The following GRID2 variants were observed in gnomAD, a reference collection of about 807,000 sequenced individuals.
GRID2 encodes the protein glutamate receptor ionotropic, delta-2.
In GRID2, 33 loss-of-function variants were observed where a neutral mutation model predicts 114.8. The observed-to-expected ratio is 0.29, with a 90% CI of 0.22 to 0.38. GRID2 has a LOEUF of 0.38. Ranked by LOEUF, GRID2 falls within the 10% of genes least tolerant of loss-of-function variation. The pLI is 1.00. For synonymous variants in GRID2, 505 were observed against 449.9 expected (o/e 1.12, Z -1.55); for missense variants, 1,184 against 1,257.7 (o/e 0.94, Z 0.89).
chr4:92,431,980 A>T (rs1284285446), intron 1 of GRID2, among the ~76,000 whole-genome samples: 1 of 152,112 alleles, frequency 6.6e-6, no homozygotes, highest in East Asian at 1.9e-4. Flanking sequence ...TAATGCTGTG[A>T]CTCTTGCACA....
intron 2 of GRID2, among the ~76,000 whole-genome samples, chr4:92,642,759 A>G (rs1416330531): frequency 1.3e-5 from 2 of 151,704 alleles, no homozygotes; most frequent in Non-Finnish European, 2.9e-5. Flanking sequence ...GAAATTTCCT[A>G]GGTTTTCTTC....
intron 12 of GRID2, among the ~76,000 whole-genome samples, chr4:93,508,359 G>A (rs1298783414): frequency 6.6e-6 from 1 of 151,800 alleles, no homozygotes; most frequent in Non-Finnish European, 1.5e-5. Context: ...ACCATGCTCA[G>A]CTAAGTTTTT....
At chr4:92,474,416 C>A (rs566518592) in intron 1 of GRID2, among the ~76,000 whole-genome samples, 1 of 152,108 alleles carries the variant, frequency 6.6e-6, no homozygotes, top group African/African-American at 2.4e-5. Context: ...ATGCATTTAC[C>A]CACTGATGAA....
intron 2 of GRID2, among the ~76,000 whole-genome samples, chr4:92,903,644 G>T (rs1314809606): frequency 6.6e-6 from 1 of 151,724 alleles, no homozygotes; most frequent in South Asian, 2.1e-4. Context: ...ATTTTTAATG[G>T]GAATAATTTA....
intron 2 of GRID2, among the ~76,000 whole-genome samples, chr4:92,750,075 G>A (rs760983818): frequency 2.0e-5 from 3 of 152,030 alleles, no homozygotes; most frequent in African/African-American, 4.8e-5. Context: ...TGCTCAGACC[G>A]GTCTTGAACT....
chr4:93,049,161 A>G (rs1301059645), intron 2 of GRID2, among the ~76,000 whole-genome samples: 1 of 152,104 alleles, frequency 6.6e-6, no homozygotes, highest in Admixed American at 6.6e-5. Flanking sequence ...ATGTTTCTTC[A>G]GATTCTGCAC....
Position 92,834,557 on chromosome 4 carries a change from C to T in GRID2, c.244+244271C>T, listed in dbSNP as rs145449267. 5.9e-3 allele frequency among the ~76,000 whole-genome samples: 904 copies of T among 152,232 alleles called. 25 individuals are homozygous for T. The highest frequency in any genetic ancestry group is 0.056 in the Admixed American group (861 of 15,260). On this transcript the variant is annotated intron_variant, in intron 2 of 15. Coordinates refer to ENST00000282020, the MANE Select transcript of GRID2 (RefSeq NM_001510.4). ...AACGTCTTTTATGAGCCAAGCACTG[C>T]ATTACTGGGGTATGGTAATGAATAA...
intron 2 of GRID2, among the ~76,000 whole-genome samples, chr4:92,859,319 A>G (rs1744380124): frequency 6.6e-6 from 1 of 152,162 alleles, no homozygotes; most frequent in African/African-American, 2.4e-5. Flanking sequence ...TTGTAGACAT[A>G]ATGCTATTGT....
rs548730518 is a variant in GRID2, at chr4:93,482,197, C to T, written c.1859-8442C>T. Among the ~76,000 whole-genome samples, 3 of 152,006 alleles carry T rather than the reference C, an allele frequency of 2.0e-5. No homozygotes were observed. In the East Asian group the frequency reaches 5.8e-4, roughly 30 times the overall value. ...ACCATGATATTACTGGGTATATACC[C>T]AAAGGATTATAAATCATTTTACTAT... On this transcript the variant is annotated intron_variant, in intron 11 of 15. Coordinates refer to ENST00000282020, the MANE Select transcript of GRID2 (RefSeq NM_001510.4).
At chr4:93,660,022 T>C (rs1407348111) in intron 14 of GRID2, among the ~76,000 whole-genome samples, 2 of 152,128 alleles carry the variant, frequency 1.3e-5, no homozygotes, top group East Asian at 1.9e-4. Context: ...TCGTGATTTT[T>C]TTTTTCTGAT....
intron 4 of GRID2, among the ~76,000 whole-genome samples, chr4:93,154,305 C>T (rs1246765263): frequency 6.6e-6 from 1 of 151,998 alleles, no homozygotes; most frequent in Non-Finnish European, 1.5e-5. Context: ...TCCCCACCAC[C>T]ACCCTAACAC....
At chr4:92,312,939 G>A (rs1044744893) in intron 1 of GRID2, among the ~76,000 whole-genome samples, 1 of 151,948 alleles carries the variant, frequency 6.6e-6, no homozygotes, top group African/African-American at 2.4e-5. Context: ...CCCACTACTG[G>A]ATATCTACCC....
chr4:93,357,793 G>T (rs1042571672), intron 8 of GRID2, among the ~76,000 whole-genome samples: 1 of 151,560 alleles, frequency 6.6e-6, no homozygotes, highest in Non-Finnish European at 1.5e-5. Context: ...CAACTTGGTT[G>T]TTCAAAAGTC....
intron 2 of GRID2, chr4:92,821,899 G>A (rs1741310888): frequency 6.4e-6 from 1 of 156,058 alleles, no homozygotes; most frequent in African/African-American, 2.4e-5. Flanking sequence ...TCACTGCTGG[G>A]GAAGTTAATA....
rs140751092 is a variant in GRID2 at position 93,138,226 on chromosome 4, C to T, written c.735+27273C>T. On this transcript the variant is annotated intron_variant, in intron 4 of 15. Transcript: ENST00000282020. The stretch of plus-strand genomic sequence containing the variant: ...CTGAGCTCCAGTGATCCACCTGTCT[C>T]GGCCTCCCAAAGTATTGGGATTACA... Among the ~76,000 whole-genome samples the T allele has an allele frequency of 9.4e-3, 1,434 of 152,056 alleles. 29 individuals carry two copies. Among genetic ancestry groups the T allele is most frequent in the African/African-American group, 0.033 (1,355 of 41,488 alleles).
intron 2 of GRID2, among the ~76,000 whole-genome samples, chr4:92,908,552 A>G (rs1217584442): frequency 7.0e-6 from 1 of 141,870 alleles, no homozygotes; most frequent in Non-Finnish European, 1.5e-5. Context: ...ACAGAGCAAG[A>G]CTCCATCTCA....
chr4:93,604,730 T>C (rs1266975502), intron 13 of GRID2, among the ~76,000 whole-genome samples: 1 of 152,158 alleles, frequency 6.6e-6, no homozygotes, highest in East Asian at 1.9e-4. Flanking sequence ...CCCTGATCAG[T>C]CAGTAGCCAT....
chr4:92,812,102 A>T (rs1426343762), intron 2 of GRID2, among the ~76,000 whole-genome samples: 1 of 152,186 alleles, frequency 6.6e-6, no homozygotes, highest in East Asian at 1.9e-4. Context: ...CCTTTATGTG[A>T]ACGTGAATGA....
At chr4:92,841,192 C>T (rs969671307) in intron 2 of GRID2, among the ~76,000 whole-genome samples, 1 of 152,082 alleles carries the variant, frequency 6.6e-6, no homozygotes, top group Admixed American at 6.6e-5. Context: ...TTTGCTTCCA[C>T]AGGAACTGTC....
Sources: allele counts gnomAD v4.1 joint callset (sites outside exome capture counted in the v4.1 genomes callset), GRCh38; gene constraint gnomAD v4.1.1; transcripts MANE v1.5; gene names NCBI Gene and HGNC (gene_info 2026-07-23, HGNC 2026-07-21).